Variants in ALKBH1 observed in about 807,000 individuals in gnomAD.
The protein encoded by ALKBH1 is nucleic acid dioxygenase ALKBH1.
In ALKBH1, 31 loss-of-function variants were observed where a neutral mutation model predicts 36.6. The ratio of observed to expected loss-of-function variants is 0.85; its 90% CI spans 0.64 to 1.14. The LOEUF (loss-of-function observed/expected upper bound fraction) is 1.14. Among genes scored for constraint, ALKBH1 ranks in the 50% most tolerant of loss-of-function variants. The pLI is 0.00. For synonymous variants in ALKBH1, 183 were observed against 186.6 expected (o/e 0.98, Z 0.16); for missense variants, 490 against 497.3 (o/e 0.99, Z 0.14).
intron 3 of ALKBH1, chr14:77,683,435 C>A (rs1254886245): frequency 1.3e-6 from 1 of 749,932 alleles, no homozygotes; most frequent in Admixed American, 1.7e-5. Context: ...AGAGTCTTGC[C>A]CTTAACTTAC....
At chr14:77,693,779 G>A (rs1465243808) in intron 3 of ALKBH1, among the ~76,000 whole-genome samples, 1 of 152,136 alleles carries the variant, frequency 6.6e-6, no homozygotes, top group Non-Finnish European at 1.5e-5. Context: ...CTTGAGGTCA[G>A]GAATTGAGAC....
chr14:77,697,534 T>C (rs1307301054), intron 2 of ALKBH1, among the ~76,000 whole-genome samples: 2 of 152,016 alleles, frequency 1.3e-5, no homozygotes, highest in African/African-American at 4.8e-5. Flanking sequence ...TGTATGAAGA[T>C]AGCGTCCCCT....
chr14:77,683,332 T>C, intron 3 of ALKBH1: 1 of 735,396 alleles, frequency 1.4e-6, no homozygotes, highest in East Asian at 2.6e-5. Flanking sequence ...CTCTTTGGGT[T>C]CTTTTTCTGA....
intron 2 of ALKBH1, 36 bp downstream of exon 2, chr14:77,704,333 A>C (rs773222526): frequency 1.4e-6 from 2 of 1,417,358 alleles, no homozygotes; most frequent in African/African-American, 2.8e-5. Flanking sequence ...TAAATGATTG[A>C]GTGATATTGC....
Position 77,674,128 on chromosome 14 carries a change from A to G in ALKBH1, c.854T>C (p.Leu285Ser), listed in dbSNP as rs1344547960. ...AAGGACACGAGGGACTGCGTGGTTCAAGAGGCGGCTGAAACCCGACATTAT... is the reference window on the plus strand; with the variant it reads ...AAGGACACGAGGGACTGCGTGGTTCGAGAGGCGGCTGAAACCCGACATTAT... ...IMIMSGFSRLLNHAVPRVLPN... is the reference protein window; with the variant it reads ...IMIMSGFSRLSNHAVPRVLPN... Residue 285 changes from leucine to serine, a missense_variant, in exon 6 of 6, where the codon TTG (leucine) becomes TCG (serine). Leu to Ser is a moderately radical substitution (Grantham distance 145). Coordinates refer to ENST00000216489, the MANE Select transcript of ALKBH1 (RefSeq NM_006020.3). 1 of 1,614,090 alleles carries G rather than the reference A, an allele frequency of 6.2e-7. No individual in the cohort carries two copies. Among genetic ancestry groups the G allele is most frequent in the African/African-American group, 1.3e-5 (1 of 74,942 alleles).
At chr14:77,703,438 CCCG>C (rs2080370737) in intron 2 of ALKBH1, among the ~76,000 whole-genome samples, 1 of 151,768 alleles carries the variant, frequency 6.6e-6, no homozygotes, top group African/African-American at 2.4e-5. Flanking sequence ...ACTACAGGGG[CCCG>C]CCACCATGCC....
At chr14:77,695,953 G>A (rs568575817) in intron 2 of ALKBH1, among the ~76,000 whole-genome samples, 57 of 152,176 alleles carry the variant, frequency 3.7e-4, no homozygotes, top group African/African-American at 1.3e-3. Context: ...TTAGTTGGGC[G>A]TGGTGGCACG....
intron 3 of ALKBH1, among the ~76,000 whole-genome samples, chr14:77,685,952 G>A (rs772653808): frequency 6.6e-6 from 1 of 152,142 alleles, no homozygotes; most frequent in Admixed American, 6.5e-5. Context: ...ATATATTTTT[G>A]TAACGTATTA....
At chr14:77,693,304 C>T (rs2080308770) in intron 3 of ALKBH1, among the ~76,000 whole-genome samples, 1 of 151,982 alleles carries the variant, frequency 6.6e-6, no homozygotes, top group African/African-American at 2.4e-5. Context: ...TCACCTTGGC[C>T]TCCCAAAGTG....
At chr14:77,707,415 T>C (rs2080400619) in intron 1 of ALKBH1, among the ~76,000 whole-genome samples, 1 of 152,188 alleles carries the variant, frequency 6.6e-6, no homozygotes. Context: ...TTACGCACAG[T>C]GGCTTAACAA....
intron 4 of ALKBH1, among the ~76,000 whole-genome samples, chr14:77,676,085 C>T (rs2080204194): frequency 6.6e-6 from 1 of 151,344 alleles, no homozygotes; most frequent in East Asian, 1.9e-4. Flanking sequence ...TAGCCTAGAC[C>T]TCCTGGGCTC....
At chr14:77,698,457 A>T (rs2080341072) in intron 2 of ALKBH1, among the ~76,000 whole-genome samples, 1 of 152,236 alleles carries the variant, frequency 6.6e-6, no homozygotes, top group Non-Finnish European at 1.5e-5. Flanking sequence ...TCCCAATAAG[A>T]TAAATAGCAA....
chr14:77,676,987 T>A (rs1376643308), intron 4 of ALKBH1, among the ~76,000 whole-genome samples: 1 of 151,998 alleles, frequency 6.6e-6, no homozygotes. Flanking sequence ...TTTTTACACC[T>A]AAGGATCACA....
In ALKBH1 at chr14:77,679,910, G is replaced by A. The variant is rs774780040; in HGVS notation, c.516C>T (p.Thr172=). 28 of 1,613,906 alleles carry A rather than the reference G, an allele frequency of 1.7e-5. No individual in the cohort carries two copies. The highest frequency in any genetic ancestry group is 2.2e-5 in the East Asian group (1 of 44,894). ...TGTCCCAGTTATAATGGTAGCCTAC[G>A]GTCACCCAACGCAGTTTCTCCAGTA... ...RSLLEKLRWV[T]VGYHYNWDSK... The change falls in exon 4 of 6, where the codon ACC becomes ACT. Residue 172 remains threonine, a synonymous_variant. Coordinates refer to ENST00000216489, the MANE Select transcript of ALKBH1 (RefSeq NM_006020.3).
intron 3 of ALKBH1, among the ~76,000 whole-genome samples, chr14:77,688,704 T>A (rs974154816): frequency 2.0e-5 from 3 of 151,966 alleles, no homozygotes; most frequent in African/African-American, 7.3e-5. Flanking sequence ...CCCTAGTAGC[T>A]GGGATTACAG....
At chr14:77,688,120 T>C (rs2080278153) in intron 3 of ALKBH1, among the ~76,000 whole-genome samples, 1 of 152,238 alleles carries the variant, frequency 6.6e-6, no homozygotes, top group Admixed American at 6.5e-5. Flanking sequence ...CTCACTGCCA[T>C]GTAGAAATCA....
intron 4 of ALKBH1, among the ~76,000 whole-genome samples, chr14:77,676,699 A>G (rs2080208100): frequency 6.6e-6 from 1 of 152,230 alleles, no homozygotes; most frequent in Non-Finnish European, 1.5e-5. Flanking sequence ...TAATAGGGGG[A>G]GAGCACGAGC....
chr14:77,700,124 A>T lies in ALKBH1; in HGVS notation c.292+4245T>A, dbSNP rs1472274477. Among the ~76,000 whole-genome samples, 5 of 152,180 alleles carry T rather than the reference A, an allele frequency of 3.3e-5. No individual in the cohort carries two copies. In the South Asian group the frequency reaches 6.2e-4, roughly 19 times the overall value. Reference sequence around the variant, plus strand: ...CTAACCAAACAAATCTCTGAACAATATCATCAATGGTCCACTATCAGAATT... The same window carrying T: ...CTAACCAAACAAATCTCTGAACAATTTCATCAATGGTCCACTATCAGAATT... On this transcript the variant is annotated intron_variant, in intron 2 of 5. Transcript: ENST00000216489.
chr14:77,686,693 G>A (rs530694714), intron 3 of ALKBH1, among the ~76,000 whole-genome samples: 32 of 152,226 alleles, frequency 2.1e-4, no homozygotes, highest in Non-Finnish European at 3.2e-4. Context: ...GCGTGATCTC[G>A]GCTCACTGCA....
Sources: allele counts gnomAD v4.1 joint callset (sites outside exome capture counted in the v4.1 genomes callset), GRCh38; gene constraint gnomAD v4.1.1; transcripts MANE v1.5; gene names NCBI Gene and HGNC (gene_info 2026-07-23, HGNC 2026-07-21).